The following DGKB variants were observed in gnomAD, a reference collection of about 807,000 sequenced individuals.
DGKB encodes 90 kDa diacylglycerol kinase.
A neutral mutation model predicts 114.3 loss-of-function variants in DGKB; 67 were observed. The observed-to-expected ratio is 0.59, with a 90% confidence interval of 0.48 to 0.72. The LOEUF (loss-of-function observed/expected upper bound fraction) is 0.72. Ranked by LOEUF, DGKB falls within the 30% of genes least tolerant of loss-of-function variation. The pLI is 0.00. For missense variants in DGKB, 907 were observed against 975.2 expected, an observed-to-expected ratio of 0.93 and a Z score of 0.93; for synonymous variants, 398 against 323.1, an observed-to-expected ratio of 1.23 and a Z score of -2.49.
chr7:14,534,899 C>G (rs1342990508), intron 20 of DGKB, among the ~76,000 whole-genome samples: 1 of 151,960 alleles, frequency 6.6e-6, no homozygotes, highest in African/African-American at 2.4e-5. Context: ...GAAAACTGAA[C>G]AATCACAAAT....
chr7:14,705,788 C>G (rs1826112532), intron 6 of DGKB, among the ~76,000 whole-genome samples: 1 of 151,824 alleles, frequency 6.6e-6, no homozygotes, highest in South Asian at 2.1e-4. Context: ...CACCACCAGA[C>G]CTGCCCTAAA....
At chr7:14,693,295 T>A (rs1465945934) in intron 9 of DGKB, among the ~76,000 whole-genome samples, 1 of 152,132 alleles carries the variant, frequency 6.6e-6, no homozygotes, top group African/African-American at 2.4e-5. Context: ...ATGCTGAATT[T>A]AAAAATCTGG....
chr7:14,149,217 G>C lies in DGKB; in HGVS notation c.2326C>G (p.Gln776Glu). 6.2e-7 allele frequency: 1 copy of C among 1,612,752 alleles called. No individual in the cohort carries two copies. The highest frequency in any genetic ancestry group is 8.5e-7 in the Non-Finnish European group (1 of 1,179,294). ...PCTIKITHKN[Q>E]APMLMGPPPK... Reference sequence around the variant, plus strand: ...GGCGGGCCCATCAGCATTGGGGCTTGGTTCTTGTGTGTAATTTTTATCTAG... The same window carrying C: ...GGCGGGCCCATCAGCATTGGGGCTTCGTTCTTGTGTGTAATTTTTATCTAG... The change falls in exon 26 of 26, where the codon CAA (glutamine) becomes GAA (glutamate). Residue 776 changes from glutamine (Q) to glutamate (E), a missense_variant. Physicochemically the swap from Gln to Glu is conservative, Grantham distance 29. Transcript: ENST00000402815.
chr7:14,415,817 C>T (rs1825638142), intron 21 of DGKB, among the ~76,000 whole-genome samples: 1 of 152,198 alleles, frequency 6.6e-6, no homozygotes, highest in East Asian at 1.9e-4. Flanking sequence ...AATGATATTT[C>T]TAGTTCTAGA....
chr7:14,962,620 G>GTGTGTGTGTGTGTT (rs1253926629), intron 1 of DGKB, among the ~76,000 whole-genome samples: 18 of 141,934 alleles, frequency 1.3e-4, no homozygotes, highest in African/African-American at 4.9e-4. Flanking sequence ...AGCTATAGCT[G>GTGTGTGTGTGTGTT]TGTGTGTGTG....
chr7:14,939,178 G>A (rs1785427582), intron 1 of DGKB, among the ~76,000 whole-genome samples: 1 of 151,898 alleles, frequency 6.6e-6, no homozygotes, highest in Non-Finnish European at 1.5e-5. Flanking sequence ...TTTGTACATA[G>A]TATGTACCCA....
At chr7:14,280,885 A>C (rs144395106) in intron 23 of DGKB, among the ~76,000 whole-genome samples, 1 of 151,640 alleles carries the variant, frequency 6.6e-6, no homozygotes, top group Non-Finnish European at 1.5e-5. Context: ...AGGAACAACC[A>C]GTACCAGCCA....
chr7:14,538,043 G>T (rs1182420762), intron 20 of DGKB, among the ~76,000 whole-genome samples: 1 of 135,706 alleles, frequency 7.4e-6, no homozygotes, highest in African/African-American at 2.8e-5. Context: ...TCATGCGTTT[G>T]CTGGAAGCTC....
upstream of DGKB, among the ~76,000 whole-genome samples, chr7:14,903,532 T>G (rs1783453445): frequency 6.6e-6 from 1 of 152,142 alleles, no homozygotes; most frequent in South Asian, 2.1e-4. Flanking sequence ...CCCCTCTCCC[T>G]TCTACAACTG....
chr7:14,590,684 T>C (rs79927453), intron 17 of DGKB, among the ~76,000 whole-genome samples: 3,565 of 152,182 alleles, frequency 0.023, 160 homozygotes, highest in African/African-American at 0.082. Flanking sequence ...TTAATATCCT[T>C]GGGATTTATT....
intron 1 of DGKB, among the ~76,000 whole-genome samples, chr7:14,959,798 A>G (rs1786735901): frequency 6.6e-6 from 1 of 151,726 alleles, no homozygotes; most frequent in Non-Finnish European, 1.5e-5. Flanking sequence ...TATAGTATTT[A>G]TCCTTCACTT....
chr7:14,552,975 T>C (rs1795318650), intron 20 of DGKB, among the ~76,000 whole-genome samples: 1 of 152,200 alleles, frequency 6.6e-6, no homozygotes, highest in Non-Finnish European at 1.5e-5. Flanking sequence ...TTAAGGCTGA[T>C]AGTGACGGCT....
chr7:14,840,464 T>A (rs1054079608), intron 2 of DGKB, among the ~76,000 whole-genome samples: 6 of 152,144 alleles, frequency 3.9e-5, no homozygotes, highest in African/African-American at 1.4e-4. Context: ...TTCCTGAAAA[T>A]CTAGAATAAA....
intron 12 of DGKB, among the ~76,000 whole-genome samples, chr7:14,679,085 T>C (rs1394014094): frequency 1.3e-5 from 2 of 151,958 alleles, no homozygotes; most frequent in Non-Finnish European, 2.9e-5. Context: ...GATGTTTTTT[T>C]GAGTGCATGC....
chr7:14,599,343 C>A (rs1224176890), intron 17 of DGKB, among the ~76,000 whole-genome samples: 1 of 152,026 alleles, frequency 6.6e-6, no homozygotes. Flanking sequence ...GTGAACTAGC[C>A]CTTAGTAGCT....
chr7:14,477,931 G>C (rs1413473834), intron 21 of DGKB, among the ~76,000 whole-genome samples: 1 of 151,800 alleles, frequency 6.6e-6, no homozygotes, highest in African/African-American at 2.4e-5. Flanking sequence ...TATAATACAT[G>C]AGAATGAAAT....
At chr7:14,396,063 G>A (rs929602894) in intron 21 of DGKB, among the ~76,000 whole-genome samples, 1 of 151,878 alleles carries the variant, frequency 6.6e-6, no homozygotes, top group Admixed American at 6.6e-5. Flanking sequence ...TATATCACTG[G>A]AGAATGGTAG....
chr7:14,630,804 AT>A (rs376996170), intron 13 of DGKB, among the ~76,000 whole-genome samples: 245 of 152,098 alleles, frequency 1.6e-3, no homozygotes, highest in African/African-American at 5.3e-3. Context: ...CTTGAGAGTA[AT>A]TTTTTTAAGA....
At chr7:14,646,898 A>T (rs1421342092) in intron 13 of DGKB, among the ~76,000 whole-genome samples, 1 of 151,934 alleles carries the variant, frequency 6.6e-6, no homozygotes, top group Non-Finnish European at 1.5e-5. Flanking sequence ...AAACAACCTA[A>T]CAATACACCT....
Sources: allele counts gnomAD v4.1 joint callset (sites outside exome capture counted in the v4.1 genomes callset), GRCh38; gene constraint gnomAD v4.1.1; transcripts MANE v1.5; gene names NCBI Gene and HGNC (gene_info 2026-07-23, HGNC 2026-07-21).